ABCB11: variants seen among roughly 807,000 people sequenced by gnomAD.
The protein encoded by ABCB11 is ATP binding cassette subfamily B member 11.
ABCB11 carries 95 observed loss-of-function variants against 148.0 expected under a neutral mutation model. That is an observed-to-expected ratio of 0.64 (90% CI 0.54 to 0.76). ABCB11 has a LOEUF of 0.76. ABCB11 is among the 30% of genes least tolerant of loss of function. The pLI is 0.00. For missense variants in ABCB11, 1,523 were observed against 1,617.8 expected, an observed-to-expected ratio of 0.94 and a Z score of 1.01; for synonymous variants, 591 against 555.4, an observed-to-expected ratio of 1.06 and a Z score of -0.90.
rs776085479 is a variant in ABCB11, at chr2:168,993,844, A to G, written c.650T>C (p.Met217Thr). Reference protein sequence around the residue: ...NKINDAIADQMALFIQRMTST... With the variant: ...NKINDAIADQTALFIQRMTST... ...GGTCATGCGCTGAATGAAAAGGGCCATTTGGTCAGCTATGGCATCATTGAT... is the reference window on the plus strand; with the variant it reads ...GGTCATGCGCTGAATGAAAAGGGCCGTTTGGTCAGCTATGGCATCATTGAT... Residue 217 changes from methionine (M) to threonine (T), a missense_variant, in exon 8 of 28, where the codon ATG becomes ACG. Physicochemically the swap from Met to Thr is moderately conservative, Grantham distance 81. Coordinates refer to ENST00000650372, the MANE Select transcript of ABCB11 (RefSeq NM_003742.4). The G allele has an allele frequency of 6.2e-7, 1 of 1,611,448 alleles. No homozygotes were observed.
chr2:168,917,864 T>A (rs1050133090), downstream of ABCB11, among the ~76,000 whole-genome samples: 3 of 152,198 alleles, frequency 2.0e-5, no homozygotes, highest in Non-Finnish European at 4.4e-5. Context: ...GACGTTGACA[T>A]AAGGCTGATT....
At chr2:168,982,521 C>T (rs990757741) in intron 10 of ABCB11, among the ~76,000 whole-genome samples, 6 of 152,088 alleles carry the variant, frequency 3.9e-5, no homozygotes, top group African/African-American at 1.4e-4. Context: ...TTCAGGTCCC[C>T]TTCATCTTTC....
Position 169,007,658 on chromosome 2 carries a change from A to C in ABCB11, c.389+5614T>G, listed in dbSNP as rs1368804070. Among the ~76,000 whole-genome samples the C allele has an allele frequency of 2.0e-5, 3 of 152,236 alleles. No individual in the cohort carries two copies. The East Asian group carries it at 5.8e-4, about 29-fold the overall frequency. ...ATGACACCAATTCAGAAGCAACAAA[A>C]GAATAAACTAGACATCACCAAAATT... On this transcript the variant is annotated intron_variant, in intron 5 of 27. Coordinates refer to ENST00000650372, the MANE Select transcript of ABCB11 (RefSeq NM_003742.4).
intron 19 of ABCB11, among the ~76,000 whole-genome samples, chr2:168,951,800 TGA>T (rs1692583041): frequency 6.6e-6 from 1 of 151,644 alleles, no homozygotes; most frequent in African/African-American, 2.4e-5. Context: ...ATAAGAGTGG[TGA>T]AAATTGGCAT....
intron 1 of ABCB11, among the ~76,000 whole-genome samples, chr2:169,029,416 T>C (rs930311128): frequency 6.6e-6 from 1 of 152,132 alleles, no homozygotes; most frequent in South Asian, 2.1e-4. Flanking sequence ...ATTTAATATA[T>C]GCTAAGAAAC....
intron 5 of ABCB11, among the ~76,000 whole-genome samples, chr2:169,003,705 C>T (rs1694945309): frequency 6.6e-6 from 1 of 152,078 alleles, no homozygotes; most frequent in Non-Finnish European, 1.5e-5. Flanking sequence ...TTTACATTCC[C>T]ACCAATGGTG....
chr2:168,937,491 G>A (rs968881953), intron 21 of ABCB11, among the ~76,000 whole-genome samples: 1 of 152,120 alleles, frequency 6.6e-6, no homozygotes, highest in African/African-American at 2.4e-5. Context: ...TAATTAAAAG[G>A]TTCTTTATTC....
intron 5 of ABCB11, among the ~76,000 whole-genome samples, chr2:169,011,785 T>C (rs1183387486): frequency 2.0e-5 from 3 of 152,082 alleles, no homozygotes; most frequent in Non-Finnish European, 2.9e-5. Context: ...TCTCAGCCTC[T>C]CAAGTAGCTG....
intron 1 of ABCB11, 54 bp from the exon 2 acceptor site, chr2:169,018,206 A>G (rs1435589131): frequency 2.0e-6 from 3 of 1,490,650 alleles, no homozygotes; most frequent in African/African-American, 1.4e-5. Flanking sequence ...TTTCTTCTTT[A>G]ATCAAAGTAG....
intron 2 of ABCB11, 44 bp downstream of exon 2, chr2:169,018,006 A>C: frequency 6.5e-7 from 1 of 1,536,606 alleles, no homozygotes; most frequent in Non-Finnish European, 9.0e-7. Flanking sequence ...TTTTGTTCTC[A>C]CCTCTCCTTG....
chr2:169,012,347 C>T (rs966037846), intron 5 of ABCB11, among the ~76,000 whole-genome samples: 20 of 152,102 alleles, frequency 1.3e-4, no homozygotes, highest in African/African-American at 3.9e-4. Context: ...CCTGAGTACA[C>T]GACAGACTCA....
At chr2:168,997,273 C>A (rs1482489224) in intron 5 of ABCB11, among the ~76,000 whole-genome samples, 2 of 152,054 alleles carry the variant, frequency 1.3e-5, no homozygotes, top group Non-Finnish European at 2.9e-5. Flanking sequence ...GAAAAATGTG[C>A]CTGTTATCTT....
intron 5 of ABCB11, among the ~76,000 whole-genome samples, chr2:168,999,997 T>G (rs1694824419): frequency 6.6e-6 from 1 of 152,154 alleles, no homozygotes; most frequent in African/African-American, 2.4e-5. Context: ...GGGTTATCAC[T>G]ATTTTTAATT....
intron 1 of ABCB11, among the ~76,000 whole-genome samples, chr2:169,022,663 A>G (rs1462348204): frequency 6.6e-6 from 1 of 152,102 alleles, no homozygotes; most frequent in Admixed American, 6.6e-5. Context: ...AGTTTTGGTG[A>G]AAAGAAAAAT....
At chr2:169,016,682 A>G in intron 3 of ABCB11, 96 bp downstream of exon 3, 1 of 900,100 alleles carries the variant, frequency 1.1e-6, no homozygotes, top group Non-Finnish European at 1.8e-6. Flanking sequence ...TATGAAGTGC[A>G]ATGTGCATGA....
At position 168,976,476 on chromosome 2, in the gene ABCB11, G is replaced by A. The variant is rs190635655; in HGVS notation, c.1308+101C>T. ...AAGACACCTCCATTCCCTATTACTG[G>A]AAACAGAGTCAGGCTTCAGAAAATG... On this transcript the variant is annotated intron_variant, in intron 12 of 27. Transcript: ENST00000650372. 1,126 of 654,422 alleles carry A rather than the reference G, an allele frequency of 1.7e-3. 16 individuals are homozygous for A. The Admixed American group carries it at 0.028, about 16-fold the overall frequency. 40.5% of individuals were successfully genotyped at this position (654,422 alleles called of 1,614,324 possible).
chr2:168,999,786 TG>T (rs1694818435), intron 5 of ABCB11, among the ~76,000 whole-genome samples: 1 of 152,142 alleles, frequency 6.6e-6, no homozygotes, highest in Non-Finnish European at 1.5e-5. Flanking sequence ...TATCAACATT[TG>T]TGTATAGGTT....
intron 5 of ABCB11, among the ~76,000 whole-genome samples, chr2:169,003,323 C>CGTGT (rs139250976): frequency 0.047 from 6,719 of 141,594 alleles, 322 homozygotes; most frequent in East Asian, 0.26. Flanking sequence ...TTCCATGGTG[C>CGTGT]GTGTGTGTGT....
rs144308727 is a variant in ABCB11 at position 168,983,862 on chromosome 2, C to T, written c.1083+2248G>A. On this transcript the variant is annotated intron_variant, in intron 10 of 27. Transcript: ENST00000650372. ...TTTTACTTAAGAATTTGATATAAAACGACTCCCTATTTACTTGCAGGGCAA... is the reference window on the plus strand; with the variant it reads ...TTTTACTTAAGAATTTGATATAAAATGACTCCCTATTTACTTGCAGGGCAA... Among the ~76,000 whole-genome samples, 202 of 152,156 alleles carry T rather than the reference C, an allele frequency of 1.3e-3. 2 individuals carry two copies. Among genetic ancestry groups the T allele is most frequent in the East Asian group, 3.9e-3 (20 of 5,172 alleles).
Sources: gnomAD v4.1 joint callset for allele counts (sites outside exome capture counted in the v4.1 genomes callset) on GRCh38, gnomAD v4.1.1 for gene constraint, MANE v1.5 for transcripts, NCBI Gene and HGNC (gene_info 2026-07-23, HGNC 2026-07-21) for gene names.